Variants in FLYWCH1 observed in about 807,000 individuals in gnomAD.
The protein encoded by FLYWCH1 is FLYWCH-type zinc finger 1, also known as FLYWCH-type zinc finger-containing protein 1.
In FLYWCH1, 75 loss-of-function variants were observed where a neutral mutation model predicts 66.4. The ratio of observed to expected loss-of-function variants is 1.13; its 90% CI spans 0.94 to 1.37. The LOEUF (loss-of-function observed/expected upper bound fraction) is 1.37, where lower values mean the gene tolerates loss of function less well. Ranked by LOEUF, FLYWCH1 falls within the 40% of genes most tolerant of loss-of-function variation. The pLI is 0.00. For missense variants in FLYWCH1, 1,334 were observed against 1,001.8 expected (o/e 1.33, Z -4.48); for synonymous variants, 595 against 429.9 (o/e 1.38, Z -4.75).
At chr16:2,948,100 G>A (rs1369595400) in intron 9 of FLYWCH1, among the ~76,000 whole-genome samples, 1 of 152,122 alleles carries the variant, frequency 6.6e-6, no homozygotes, top group Non-Finnish European at 1.5e-5. Flanking sequence ...CTTGAGGCTT[G>A]GGTGTGATGG....
intron 2 of FLYWCH1, among the ~76,000 whole-genome samples, chr16:2,927,186 C>A (rs1337788979): frequency 6.6e-6 from 1 of 152,198 alleles, no homozygotes; most frequent in East Asian, 1.9e-4. Context: ...GGGCGCGGCG[C>A]TGTGTCCTCA....
At chr16:2,913,803 G>C (rs1354398482) in intron 1 of FLYWCH1, among the ~76,000 whole-genome samples, 2 of 152,166 alleles carry the variant, frequency 1.3e-5, no homozygotes, top group African/African-American at 4.8e-5. Flanking sequence ...CAACGCTCAT[G>C]GTTCAGTTGC....
At chr16:2,948,130 G>T (rs899204186) in intron 9 of FLYWCH1, among the ~76,000 whole-genome samples, 1 of 152,190 alleles carries the variant, frequency 6.6e-6, no homozygotes, top group African/African-American at 2.4e-5. Flanking sequence ...TCTAGGGCAC[G>T]AATTGAAACT....
At chr16:2,924,330 C>CA (rs1181695820) in intron 2 of FLYWCH1, among the ~76,000 whole-genome samples, 13,143 of 116,502 alleles carry the variant, frequency 0.11, 789 homozygotes, top group Admixed American at 0.16. Flanking sequence ...GACTCCATCT[C>CA]AAAAAAAAAA....
chr16:2,944,304 C>T (rs1417318905), intron 9 of FLYWCH1, among the ~76,000 whole-genome samples: 4 of 150,766 alleles, frequency 2.7e-5, no homozygotes, highest in Non-Finnish European at 4.4e-5. Flanking sequence ...GCAGGAGAAT[C>T]GCTTGAAACT....
In FLYWCH1 at chr16:2,933,883, G is replaced by A. The variant is rs200755577; in HGVS notation, c.1417G>A (p.Val473Ile). The change falls in exon 6 of 10, where the codon GTC (valine) becomes ATC (isoleucine). Residue 473 changes from valine (V) to isoleucine (I), a missense_variant. Coordinates refer to ENST00000253928, the MANE Select transcript of FLYWCH1 (RefSeq NM_001308068.2). ...RAITQGRRVTVMRGHCHPPDL... is the reference protein window; with the variant it reads ...RAITQGRRVTIMRGHCHPPDL... ...CATCACCCAGGGCCGACGGGTGACT[G>A]TCATGCGTGGTCACTGCCACCCGCC... 363 of 1,592,002 alleles carry A rather than the reference G, an allele frequency of 2.3e-4. 1 individual carries two copies. Among genetic ancestry groups the A allele is most frequent in the African/African-American group, 2.0e-3 (149 of 74,592 alleles).
rs1001802037 is a variant in FLYWCH1, at chr16:2,948,993, G to C, written c.*266G>C. ...GGTGGCGCCTTCCTGACCTTTGGAA[G>C]ACATGACAAAGCTGCCTGGACACGG... On this transcript the variant is annotated 3_prime_UTR_variant, in exon 10 of 10. Transcript: ENST00000253928. 2.0e-6 allele frequency: 1 copy of C among 501,602 alleles called. No homozygotes were observed. The highest frequency in any genetic ancestry group is 3.6e-6 in the Non-Finnish European group (1 of 274,132). The allele number at this position is 501,602 out of a possible 1,614,324, so 31.1% of individuals were successfully genotyped here.
At chr16:2,946,741 G>A (rs1055769131) in intron 9 of FLYWCH1, among the ~76,000 whole-genome samples, 7 of 152,128 alleles carry the variant, frequency 4.6e-5, no homozygotes, top group South Asian at 2.1e-4. Flanking sequence ...ACAAATGGCC[G>A]ATAGGGATAG....
intron 2 of FLYWCH1, among the ~76,000 whole-genome samples, chr16:2,917,118 T>C (rs996353565): frequency 8.0e-5 from 12 of 150,712 alleles, no homozygotes; most frequent in African/African-American, 1.5e-4. Context: ...ATCATGCCAC[T>C]GCACTCCAGC....
At chr16:2,928,058 T>G (rs923150583) in intron 2 of FLYWCH1, among the ~76,000 whole-genome samples, 4 of 152,256 alleles carry the variant, frequency 2.6e-5, no homozygotes, top group African/African-American at 7.2e-5. Context: ...TGGATGTGCA[T>G]GTAGGCCAGA....
Position 2,933,906 on chromosome 16 carries a change from G to A in FLYWCH1, c.1440G>A (p.Pro480=), listed in dbSNP as rs562626087. 1,607 of 1,578,272 alleles carry A rather than the reference G, an allele frequency of 1.0e-3. 33 individuals are homozygous for A. In the South Asian group the frequency reaches 0.017, roughly 17 times the overall value. Residue 480 remains proline, a synonymous_variant, in exon 6 of 10, where the codon CCG becomes CCA. Coordinates refer to ENST00000253928, the MANE Select transcript of FLYWCH1 (RefSeq NM_001308068.2). ...CTGTCATGCGTGGTCACTGCCACCCGCCCGACCTGGGAGGCCTGGAGGCCC... is the reference window on the plus strand; with the variant it reads ...CTGTCATGCGTGGTCACTGCCACCCACCCGACCTGGGAGGCCTGGAGGCCC... ...RVTVMRGHCH[P]PDLGGLEALR...
intron 6 of FLYWCH1, chr16:2,934,951 T>A (rs1370347299): frequency 1.2e-5 from 2 of 169,492 alleles, no homozygotes; most frequent in African/African-American, 5.2e-5. Flanking sequence ...TGAGACGGAG[T>A]CTTGCTTTAT....
At chr16:2,938,076 G>A (rs771463193) in intron 7 of FLYWCH1, 108 bp from the exon 8 acceptor site, 167 of 1,108,672 alleles carry the variant, frequency 1.5e-4, no homozygotes, top group Non-Finnish European at 2.0e-4. Context: ...CAGCGTGCTA[G>A]GGGATCGCAG....
chr16:2,912,231 G>T (rs1447769109), intron 1 of FLYWCH1, 77 bp downstream of exon 1: 2 of 152,332 alleles, frequency 1.3e-5, no homozygotes, highest in South Asian at 2.1e-4. Context: ...CTCTCCCGGG[G>T]GTCCCGAGGG....
chr16:2,933,559 A>G lies in FLYWCH1; in HGVS notation c.1226A>G (p.His409Arg). The change falls in exon 5 of 10, where the codon CAC (histidine) becomes CGC (arginine). Residue 409 changes from histidine (H) to arginine (R), a missense_variant. Coordinates refer to ENST00000253928, the MANE Select transcript of FLYWCH1 (RefSeq NM_001308068.2). ...ACCCAGCCCGAGGCCCCAGACGAGC[A>G]CCAGGACATGGACGCAGACCCGGGT... ...LPTQPEAPDEHQDMDADPGGP... is the reference protein window; with the variant it reads ...LPTQPEAPDERQDMDADPGGP... The G allele has an allele frequency of 6.2e-7, 1 of 1,602,452 alleles. No individual in the cohort carries two copies. The highest frequency in any genetic ancestry group is 1.1e-5 in the South Asian group (1 of 89,664).
chr16:2,945,723 T>C (rs9941352), intron 9 of FLYWCH1, among the ~76,000 whole-genome samples: 86,866 of 151,244 alleles, frequency 0.57, 26,264 homozygotes, highest in African/African-American at 0.78. Flanking sequence ...AGAGGCCGGG[T>C]GCGGTGGCTC....
intron 9 of FLYWCH1, among the ~76,000 whole-genome samples, chr16:2,945,221 C>T (rs1490028512): frequency 2.0e-5 from 3 of 152,128 alleles, no homozygotes; most frequent in African/African-American, 7.2e-5. Flanking sequence ...GGTACAGTGG[C>T]TCACGCCTGT....
chr16:2,924,831 C>A (rs1293469662), intron 2 of FLYWCH1, among the ~76,000 whole-genome samples: 1 of 152,170 alleles, frequency 6.6e-6, no homozygotes, highest in Non-Finnish European at 1.5e-5. Context: ...GCGGTCAGGG[C>A]CTTTTCTTGT....
chr16:2,929,767 G>A lies in FLYWCH1; in HGVS notation c.82G>A (p.Val28Ile), dbSNP rs774065180. ...QEPSPKPGTD[V>I]IPAAPRKPRE... ...GCCATCCCCCAAGCCAGGCACGGAC[G>A]TCATCCCGGCAGCCCCCAGGAAGCC... The change falls in exon 3 of 10, where the codon GTC becomes ATC. Residue 28 changes from valine (V) to isoleucine (I), a missense_variant. Val to Ile is a conservative substitution (Grantham distance 29). Coordinates refer to ENST00000253928, the MANE Select transcript of FLYWCH1 (RefSeq NM_001308068.2). 5.0e-6 allele frequency: 8 copies of A among 1,613,756 alleles called. No homozygotes were observed. The highest frequency in any genetic ancestry group is 4.5e-5 in the East Asian group (2 of 44,894).
Sources: allele counts gnomAD v4.1 joint callset (sites outside exome capture counted in the v4.1 genomes callset), GRCh38; gene constraint gnomAD v4.1.1; transcripts MANE v1.5; gene names NCBI Gene and HGNC (gene_info 2026-07-23, HGNC 2026-07-21).